MESD: variants seen among roughly 807,000 people sequenced by gnomAD.
MESD encodes the protein mesoderm development LRP chaperone.
In MESD, 7 loss-of-function variants were observed where a neutral mutation model predicts 12.9. The observed-to-expected ratio is 0.54, with a 90% CI of 0.31 to 1.02. The LOEUF (loss-of-function observed/expected upper bound fraction) is 1.02, where lower values mean the gene tolerates loss of function less well. MESD is among the 50% of genes least tolerant of loss of function. MESD has a pLI of 0.05. For synonymous variants in MESD, 126 were observed against 115.6 expected, an observed-to-expected ratio of 1.09 and a Z score of -0.58; for missense variants, 342 against 296.7, an observed-to-expected ratio of 1.15 and a Z score of -1.12.
intron 3 of MESD, among the ~76,000 whole-genome samples, chr15:80,957,159 T>C (rs574282892): frequency 2.2e-4 from 33 of 152,254 alleles, no homozygotes; most frequent in African/African-American, 7.9e-4. Context: ...AATTGTCTCA[T>C]GTTGTTTTAG....
intron 3 of MESD, among the ~76,000 whole-genome samples, chr15:80,957,013 TG>T (rs1202534026): frequency 2.0e-5 from 3 of 152,026 alleles, no homozygotes; most frequent in Non-Finnish European, 4.4e-5. Flanking sequence ...TTTGTAGAGA[TG>T]GGGTCTCACT....
intron 3 of MESD, among the ~76,000 whole-genome samples, chr15:80,957,785 A>G (rs1207521247): frequency 6.6e-6 from 1 of 152,174 alleles, no homozygotes; most frequent in East Asian, 1.9e-4. Flanking sequence ...GCAGTGTCTC[A>G]GCTCAAAGGC....
At chr15:80,952,141 C>T in exon 4 of MESD, 1 of 455,374 alleles carries the variant, frequency 2.2e-6, no homozygotes, top group South Asian at 1.6e-5. Context: ...AAGCAGGACT[C>T]TCTTTTCCTC....
At chr15:80,971,170 G>A (rs147512699), downstream of MESD, among the ~76,000 whole-genome samples, 304 of 152,304 alleles carry the variant, frequency 2.0e-3, 2 homozygotes, top group African/African-American at 7.0e-3. Flanking sequence ...GCAAGTCTTT[G>A]TGGAAGAGCT....
exon 4 of MESD, chr15:80,952,163 T>G (rs1901856066): frequency 2.2e-6 from 1 of 455,924 alleles, no homozygotes; most frequent in Non-Finnish European, 4.4e-6. Flanking sequence ...CAGGCCCTGT[T>G]TGGCTGGAGG....
intron 1 of MESD, among the ~76,000 whole-genome samples, chr15:80,983,754 A>G (rs1902650012): frequency 6.6e-6 from 1 of 152,212 alleles, no homozygotes; most frequent in South Asian, 2.1e-4. Flanking sequence ...GCCAACTTGA[A>G]GCAGCTCTCA....
downstream of MESD, among the ~76,000 whole-genome samples, chr15:80,974,005 C>T (rs997974430): frequency 6.6e-6 from 1 of 152,080 alleles, no homozygotes; most frequent in Non-Finnish European, 1.5e-5. Context: ...TCTGCTATCA[C>T]GGGGGAACTC....
intron 3 of MESD, among the ~76,000 whole-genome samples, chr15:80,961,552 T>A (rs958611477): frequency 1.5e-4 from 23 of 152,292 alleles, no homozygotes; most frequent in Middle Eastern, 3.4e-3. Flanking sequence ...AGCAATTTAG[T>A]ACTAAGTAAA....
rs1902593878 is a variant in MESD at position 80,982,021 on chromosome 15, A to C, written c.375T>G (p.Thr125=). 6.2e-7 allele frequency: 1 copy of C among 1,614,060 alleles called. No individual in the cohort carries two copies. The highest frequency in any genetic ancestry group is 8.5e-7 in the Non-Finnish European group (1 of 1,180,042). ...MMFVTVSGSP[T]EKETEEITSL... The stretch of plus-strand genomic sequence containing the variant: ...TCGTAATTTCCTCTGTCTCCTTCTC[A>C]GTAGGGCTTCCTGATACAGTGACAA... The change falls in exon 2 of 3, where the codon ACT becomes ACG. Residue 125 remains threonine, a synonymous_variant. Coordinates refer to ENST00000261758, the MANE Select transcript of MESD (RefSeq NM_015154.3).
At chr15:80,973,187 G>T (rs1359771304), downstream of MESD, among the ~76,000 whole-genome samples, 1 of 152,192 alleles carries the variant, frequency 6.6e-6, no homozygotes, top group African/African-American at 2.4e-5. Flanking sequence ...AGCTTGGATA[G>T]CTGGGACGGT....
intron 3 of MESD, among the ~76,000 whole-genome samples, chr15:80,954,307 G>C (rs2141782674): frequency 6.6e-6 from 1 of 152,360 alleles, no homozygotes; most frequent in Non-Finnish European, 1.5e-5. Context: ...ATATCTGGCA[G>C]AGTTCTGTTG....
chr15:80,966,658 T>C (rs1902181096), intron 3 of MESD, among the ~76,000 whole-genome samples: 1 of 152,188 alleles, frequency 6.6e-6, no homozygotes. Context: ...AATCTCAGCT[T>C]AGTGGCCACC....
downstream of MESD, among the ~76,000 whole-genome samples, chr15:80,973,171 G>A (rs151034061): frequency 9.5e-4 from 145 of 152,278 alleles, 4 homozygotes; most frequent in South Asian, 0.013. Context: ...TTGGCCAAAT[G>A]AAAACAGCTT....
In MESD at chr15:80,979,425, C is replaced by T. The variant is rs1902513590; in HGVS notation, c.499G>A (p.Ala167Thr). Reference protein sequence around the residue: ...AIFMLRDGSYAWEIKDFLVGQ... With the variant: ...AIFMLRDGSYTWEIKDFLVGQ... ...ACCAAAAAGTCCTTGATCTCCCAGG[C>T]GTAGCTCCCATCGCGAAGCATGAAG... The change falls in exon 3 of 3, where the codon GCC becomes ACC. Residue 167 changes from alanine (A) to threonine (T), a missense_variant. Coordinates refer to ENST00000261758, the MANE Select transcript of MESD (RefSeq NM_015154.3). The T allele has an allele frequency of 4.3e-6, 7 of 1,614,084 alleles. No homozygotes were observed. Among genetic ancestry groups the T allele is most frequent in the East Asian group, 2.2e-5 (1 of 44,894 alleles).
At chr15:80,988,414 G>A (rs1902794830) in intron 1 of MESD, among the ~76,000 whole-genome samples, 1 of 152,202 alleles carries the variant, frequency 6.6e-6, no homozygotes, top group Non-Finnish European at 1.5e-5. Flanking sequence ...GGTCTGAGTA[G>A]GTCAAGGGGA....
At chr15:80,958,977 G>A (rs1465465669) in intron 3 of MESD, among the ~76,000 whole-genome samples, 2 of 152,208 alleles carry the variant, frequency 1.3e-5, no homozygotes, top group African/African-American at 4.8e-5. Context: ...TGCCCTGAAG[G>A]AAATTTACAA....
At chr15:80,963,039 A>C (rs1210446674) in intron 3 of MESD, among the ~76,000 whole-genome samples, 2 of 152,222 alleles carry the variant, frequency 1.3e-5, no homozygotes, top group Non-Finnish European at 2.9e-5. Flanking sequence ...AAATCAGTGA[A>C]TCCAGGAGCT....
intron 3 of MESD, among the ~76,000 whole-genome samples, chr15:80,961,809 C>T (rs909465444): frequency 2.0e-5 from 3 of 152,152 alleles, no homozygotes; most frequent in African/African-American, 7.2e-5. Flanking sequence ...TTGTCACCAC[C>T]AGGCCTGCCT....
intron 3 of MESD, among the ~76,000 whole-genome samples, chr15:80,953,358 C>T (rs192104493): frequency 6.6e-6 from 1 of 152,166 alleles, no homozygotes; most frequent in Non-Finnish European, 1.5e-5. Flanking sequence ...GAGGAACCGT[C>T]GAGCAATGGG....
Sources: gnomAD v4.1 joint callset for allele counts (sites outside exome capture counted in the v4.1 genomes callset) on GRCh38, gnomAD v4.1.1 for gene constraint, MANE v1.5 for transcripts, NCBI Gene and HGNC (gene_info 2026-07-23, HGNC 2026-07-21) for gene names.